The following SLC9B2 variants were observed in gnomAD, a reference collection of about 807,000 sequenced individuals.
SLC9B2 encodes sodium/hydrogen exchanger 9B2.
A neutral mutation model predicts 52.2 loss-of-function variants in SLC9B2; 39 were observed. The ratio of observed to expected loss-of-function variants is 0.75; its 90% CI spans 0.58 to 0.98. SLC9B2 has a LOEUF of 0.98. Ranked by LOEUF, SLC9B2 falls within the 50% of genes least tolerant of loss-of-function variation. The pLI is 0.00. For missense variants in SLC9B2, 626 were observed against 637.5 expected (o/e 0.98, Z 0.19); for synonymous variants, 214 against 227.0 (o/e 0.94, Z 0.51).
chr4:103,043,443 G>A lies in SLC9B2; in HGVS notation c.999C>T (p.Asp333=), dbSNP rs754528804. 13 of 1,592,678 alleles carry A rather than the reference G, an allele frequency of 8.2e-6. No homozygotes were observed. The highest frequency in any genetic ancestry group is 1.1e-5 in the Non-Finnish European group (13 of 1,173,190). The change falls in exon 9 of 12, where the codon GAC becomes GAT. Residue 333 remains aspartate, a splice_region_variant and synonymous_variant. Transcript: ENST00000394785. ...GGAATGTTCTCTTACACACAAGTTT[G>A]TCCTTTAGGAGAAAAAAATTCATTT... is the stretch of plus-strand genomic sequence containing the variant. The part of the protein sequence containing the change: ...FIQYFPSRDQ[D]KLVCKRTFLV...
At chr4:103,075,551 T>C (rs1485129384) in intron 1 of SLC9B2, among the ~76,000 whole-genome samples, 1 of 152,228 alleles carries the variant, frequency 6.6e-6, no homozygotes, top group Non-Finnish European at 1.5e-5. Context: ...CCATAGTACA[T>C]TTCCAGTCTC....
rs537016289 is a variant in SLC9B2, at chr4:103,050,300, A to G, written c.525T>C (p.Ser175=). The G allele has an allele frequency of 6.2e-7, 1 of 1,609,924 alleles. No individual in the cohort carries two copies. Among genetic ancestry groups the G allele is most frequent in the African/African-American group, 1.3e-5 (1 of 74,758 alleles). ...TGATAGACAGGGCTATGCTTCTCAA[A>G]GAGGAAGACCACTTGTGCTTGATCT... is the stretch of plus-strand genomic sequence containing the variant. ...NVQIKHKWSS[S]LRSIALSIIL... Residue 175 remains serine (S), a synonymous_variant, in exon 5 of 12, where the codon TCT becomes TCC. Coordinates refer to ENST00000394785, the MANE Select transcript of SLC9B2 (RefSeq NM_178833.7).
Position 103,057,823 on chromosome 4 carries a change from C to A in SLC9B2, c.420G>T (p.Leu140Phe). The change falls in exon 4 of 12, where the codon TTG becomes TTT. Residue 140 changes from leucine (L) to phenylalanine (F), a missense_variant. Leu to Phe is a conservative substitution (Grantham distance 22). Transcript: ENST00000394785. ...TACCAAGAAGAGAAGGCAGTGGAGGCAATGTAGGTAACTTAATAAGCCCCA... is the reference window on the plus strand; with the variant it reads ...TACCAAGAAGAGAAGGCAGTGGAGGAAATGTAGGTAACTTAATAAGCCCCA... ...KLLGLIKLPT[L>F]PPLPSLLGML... The A allele has an allele frequency of 1.2e-6, 2 of 1,613,716 alleles. No homozygotes were observed. Among genetic ancestry groups the A allele is most frequent in the Non-Finnish European group, 1.7e-6 (2 of 1,179,936 alleles).
intron 4 of SLC9B2, among the ~76,000 whole-genome samples, chr4:103,056,164 T>C (rs1745121596): frequency 6.6e-6 from 1 of 152,114 alleles, no homozygotes; most frequent in Non-Finnish European, 1.5e-5. Flanking sequence ...AAGACTAATT[T>C]GTGTATGTGT....
At position 103,067,509 on chromosome 4, in the gene SLC9B2, T is replaced by C. The variant is rs779576254; in HGVS notation, c.42A>G (p.Glu14=). The change falls in exon 2 of 12, where the codon GAA becomes GAG. Residue 14 remains glutamate (E), a synonymous_variant. Transcript: ENST00000394785. ...GCGTGTAATTCATTCCTGTGGATGG[T>C]TCTGAATCTTCATATGTAATTCTTT... The part of the protein sequence containing the change: ...EDKRITYEDS[E]PSTGMNYTPS... The C allele has an allele frequency of 2.5e-6, 4 of 1,613,518 alleles. No individual in the cohort carries two copies. Among genetic ancestry groups the C allele is most frequent in the East Asian group, 4.5e-5 (2 of 44,852 alleles).
intron 6 of SLC9B2, among the ~76,000 whole-genome samples, chr4:103,048,272 A>G (rs923684494): frequency 6.6e-6 from 1 of 152,218 alleles, no homozygotes; most frequent in Non-Finnish European, 1.5e-5. Flanking sequence ...AATCTATCTT[A>G]ATTTTATAAT....
downstream of SLC9B2, chr4:103,019,773 G>A (rs569863737): frequency 3.0e-6 from 3 of 985,686 alleles, no homozygotes; most frequent in South Asian, 1.4e-4. Flanking sequence ...TGACGTCTTG[G>A]CTGTCCGCGC....
In SLC9B2 at chr4:103,066,359, G is replaced by A. The variant is rs755100780; in HGVS notation, c.239C>T (p.Pro80Leu). The change falls in exon 3 of 12, where the codon CCA becomes CTA. Residue 80 changes from proline to leucine, a missense_variant. Coordinates refer to ENST00000394785, the MANE Select transcript of SLC9B2 (RefSeq NM_178833.7). ...QRLRQMLACP[P>L]HGLLDRVITN... is the part of the protein sequence containing the mutation. ...TATGACCCTGTCCAGTAAACCATGT[G>A]GAGGGCAAGCCAGCATTTGTCTCAG... 3 of 1,613,914 alleles carry A rather than the reference G, an allele frequency of 1.9e-6. No individual in the cohort carries two copies. The highest frequency in any genetic ancestry group is 3.3e-5 in the Admixed American group (2 of 60,024).
In SLC9B2 at chr4:103,066,335, A is replaced by G; in HGVS notation, c.263T>C (p.Ile88Thr). ...CPPHGLLDRV[I>T]TNVTIIVLLW... ...TCTGAATTCATCCTTACCATTTGTT[A>G]TGACCCTGTCCAGTAAACCATGTGG... The change falls in exon 3 of 12, where the codon ATA becomes ACA. Residue 88 changes from isoleucine (I) to threonine (T), a missense_variant. By Grantham distance (89) the Ile-to-Thr change is moderately conservative. Transcript: ENST00000394785. 14 of 1,612,758 alleles carry G rather than the reference A, an allele frequency of 8.7e-6. No homozygotes were observed. Among genetic ancestry groups the G allele is most frequent in the Non-Finnish European group, 1.2e-5 (14 of 1,179,288 alleles).
chr4:103,019,825 G>T (rs1741665922), downstream of SLC9B2: 8 of 985,666 alleles, frequency 8.1e-6, no homozygotes, highest in Non-Finnish European at 8.4e-6. Flanking sequence ...ACTGTCTGGT[G>T]TGTTTTCTGT....
At chr4:103,044,771 T>G (rs934873748) in intron 8 of SLC9B2, 119 bp downstream of exon 8, 20 of 821,346 alleles carry the variant, frequency 2.4e-5, no homozygotes, top group Middle Eastern at 2.3e-4. Flanking sequence ...TAAGCAATTT[T>G]AAAATGAGGA....
rs552888805 is a variant in SLC9B2 at position 103,024,109 on chromosome 4, A to G, written c.*2261T>C. 3.9e-5 allele frequency among the ~76,000 whole-genome samples: 6 copies of G among 152,322 alleles called. No individual in the cohort carries two copies. Among genetic ancestry groups the G allele is most frequent in the Admixed American group, 3.9e-4 (6 of 15,300 alleles). On this transcript the variant is annotated 3_prime_UTR_variant, in exon 12 of 12. Coordinates refer to ENST00000394785, the MANE Select transcript of SLC9B2 (RefSeq NM_178833.7). ...TCCCTAGCAGCCCTGTAGTTCCTGC[A>G]TAATAGCACTTATCATATTGTTTTG...
At chr4:103,035,409 G>C (rs1300185632) in intron 9 of SLC9B2, among the ~76,000 whole-genome samples, 1 of 152,052 alleles carries the variant, frequency 6.6e-6, no homozygotes, top group Non-Finnish European at 1.5e-5. Flanking sequence ...TTGATTTCAT[G>C]TCTTTACTAT....
chr4:103,036,266 T>C (rs753032838), intron 9 of SLC9B2, among the ~76,000 whole-genome samples: 1 of 152,166 alleles, frequency 6.6e-6, no homozygotes, highest in South Asian at 2.1e-4. Flanking sequence ...AGCTAATTAA[T>C]GCAGGAACAG....
chr4:103,036,363 G>A (rs1743173689), intron 9 of SLC9B2, among the ~76,000 whole-genome samples: 1 of 151,998 alleles, frequency 6.6e-6, no homozygotes. Context: ...TAAACACTGC[G>A]GCCTATTTTA....
downstream of SLC9B2, among the ~76,000 whole-genome samples, chr4:103,020,665 G>A (rs1279299773): frequency 1.3e-5 from 2 of 152,024 alleles, no homozygotes; most frequent in African/African-American, 4.8e-5. Context: ...GTTGAGACAG[G>A]GTCTCACTCT....
chr4:103,052,642 T>C (rs113381909), intron 4 of SLC9B2, among the ~76,000 whole-genome samples: 3 of 152,142 alleles, frequency 2.0e-5, no homozygotes, highest in African/African-American at 7.2e-5. Flanking sequence ...TGACCTGAAA[T>C]CAAATGGAAT....
intron 3 of SLC9B2, 51 bp from the exon 4 acceptor site, chr4:103,058,022 G>T: frequency 6.8e-7 from 1 of 1,475,048 alleles, no homozygotes; most frequent in Non-Finnish European, 9.2e-7. Flanking sequence ...TCACATGGAG[G>T]TTTTGACAAA....
intron 4 of SLC9B2, among the ~76,000 whole-genome samples, chr4:103,055,390 TA>T (rs956383939): frequency 4.7e-4 from 71 of 151,920 alleles, no homozygotes; most frequent in Non-Finnish European, 8.8e-4. Context: ...AAGTATAATT[TA>T]AAAAAAAGAA....
Sources: allele counts gnomAD v4.1 joint callset (sites outside exome capture counted in the v4.1 genomes callset), GRCh38; gene constraint gnomAD v4.1.1; transcripts MANE v1.5; gene names NCBI Gene and HGNC (gene_info 2026-07-23, HGNC 2026-07-21).